The following CKMT1A variants were observed in gnomAD, a reference collection of about 807,000 sequenced individuals.
CKMT1A encodes creatine kinase, mitochondrial 1A, also known as creatine kinase U-type, mitochondrial.
In CKMT1A, 23 loss-of-function variants were observed where a neutral mutation model predicts 21.8. That is an observed-to-expected ratio of 1.05 (90% CI 0.76 to 1.49). CKMT1A has a LOEUF of 1.49. CKMT1A is among the 40% of genes most tolerant of loss of function. The pLI is 0.00. For missense variants in CKMT1A, 154 were observed against 229.4 expected, an observed-to-expected ratio of 0.67 and a Z score of 2.12; for synonymous variants, 67 against 80.4, an observed-to-expected ratio of 0.83 and a Z score of 0.89.
chr15:43,697,385 T>G lies in CKMT1A; in HGVS notation c.877-629T>G. The G allele has an allele frequency of 5.1e-6, 5 of 984,960 alleles. 1 individual carries two copies. Among genetic ancestry groups the G allele is most frequent in the Non-Finnish European group, 4.8e-6 (4 of 829,612 alleles). 61.0% of individuals were successfully genotyped at this position (984,960 alleles called of 1,614,324 possible). On this transcript the variant is annotated intron_variant, in intron 6 of 8. Transcript: ENST00000413453. ...ACAGGATCCCTTTACTCATGTTGGA[T>G]AGTGGTCTTTGTGATCATCACTCTG...
intron 6 of CKMT1A, chr15:43,696,852 G>C (rs1434921383): frequency 6.9e-6 from 2 of 288,066 alleles, no homozygotes; most frequent in Non-Finnish European, 1.3e-5. Context: ...AGGGAGACTG[G>C]GGAAGGTGGA....
In CKMT1A at chr15:43,696,349, C is replaced by G. The variant is rs147613562; in HGVS notation, c.862C>G (p.Arg288Gly). The change falls in exon 6 of 9, where the codon CGA becomes GGA. Residue 288 changes from arginine to glycine, a missense_variant. Coordinates refer to ENST00000413453, the MANE Select transcript of CKMT1A (RefSeq NM_001321926.2). ...GAAGAGAGTGTTTGAAAGATTCTGC[C>G]GAGGCCTCAAAGAGGTTAGAGAAGA... ...NMKRVFERFC[R>G]GLKEVERLIQ... 2.5e-6 allele frequency: 4 copies of G among 1,610,332 alleles called. No homozygotes were observed. The highest frequency in any genetic ancestry group is 4.5e-5 in the East Asian group (2 of 44,824).
Position 43,698,929 on chromosome 15 carries a change from A to C in CKMT1A, c.1138-44A>C, listed in dbSNP as rs376268853. 108 of 1,611,422 alleles carry C rather than the reference A, an allele frequency of 6.7e-5. 1 individual carries two copies. Among genetic ancestry groups the C allele is most frequent in the Admixed American group, 5.0e-5 (3 of 59,896 alleles). On this transcript the variant is annotated intron_variant, in intron 8 of 8. Transcript: ENST00000413453. ...GCAAGTCAGTCAGTGATAAAGAAAA[A>C]CTCAGACTGTAGGAAGCAGAGATCA...
At chr15:43,697,239 C>T (rs1188228845) in intron 6 of CKMT1A, 1 of 1,219,522 alleles carries the variant, frequency 8.2e-7, no homozygotes, top group South Asian at 1.5e-5. Context: ...AGTACTTGGT[C>T]CACAGTAAGT....
chr15:43,696,915 T>G (rs2086455885), intron 6 of CKMT1A: 2 of 294,162 alleles, frequency 6.8e-6, no homozygotes, highest in Non-Finnish European at 1.3e-5. Context: ...GAGGTTGAAC[T>G]GAATCATCAA....
intron 7 of CKMT1A, 60 bp downstream of exon 7, chr15:43,698,208 G>A: frequency 1.2e-6 from 2 of 1,603,936 alleles, no homozygotes; most frequent in Admixed American, 3.4e-5. Context: ...TGTGGATGGG[G>A]AGGGAGTGGA....
At chr15:43,697,953 G>A in intron 6 of CKMT1A, 61 bp from the exon 7 acceptor site, 3 of 1,605,088 alleles carry the variant, frequency 1.9e-6, no homozygotes, top group Admixed American at 1.7e-5. Flanking sequence ...CTAGCTAAGG[G>A]AGGGTCCAGG....
Position 43,698,074 on chromosome 15 carries a change from A to C in CKMT1A, c.937A>C (p.Ile313Leu). ...EFMWNERLGY[I>L]LTCPSNLGTG... Reference sequence around the variant, plus strand: ...CATGTGGAATGAGCGTTTGGGATACATCTTGACCTGTCCATCTAACCTGGG... The same window carrying C: ...CATGTGGAATGAGCGTTTGGGATACCTCTTGACCTGTCCATCTAACCTGGG... The change falls in exon 7 of 9, where the codon ATC becomes CTC. Residue 313 changes from isoleucine to leucine, a missense_variant. Transcript: ENST00000413453. 1 of 1,613,346 alleles carries C rather than the reference A, an allele frequency of 6.2e-7. No individual in the cohort carries two copies. The highest frequency in any genetic ancestry group is 8.5e-7 in the Non-Finnish European group (1 of 1,179,500).
In CKMT1A at chr15:43,699,166, G is replaced by C. The variant is rs2086503927; in HGVS notation, c.*77G>C. ...AATGATGGCCCATTCTACTTGCTCT[G>C]GACCTGCCCTCGCATCCCCTGCCTC... is the stretch of plus-strand genomic sequence containing the variant. On this transcript the variant is annotated 3_prime_UTR_variant, in exon 9 of 9. Transcript: ENST00000413453. 2.5e-6 allele frequency: 4 copies of C among 1,609,958 alleles called. No individual in the cohort carries two copies. Among genetic ancestry groups the C allele is most frequent in the African/African-American group, 1.3e-5 (1 of 74,338 alleles).
At chr15:43,698,280 G>C in intron 7 of CKMT1A, 132 bp downstream of exon 7, 1 of 1,341,388 alleles carries the variant, frequency 7.5e-7, no homozygotes, top group Admixed American at 2.3e-5. Context: ...CAGGCACAGT[G>C]GCTCATGCCT....
rs991018588 is a variant in CKMT1A, at chr15:43,697,419, C to T, written c.877-595C>T. The T allele has an allele frequency of 5.1e-6, 5 of 984,906 alleles. No individual in the cohort carries two copies. The African/African-American group carries it at 8.8e-5, about 17-fold the overall frequency. 61.0% of individuals were successfully genotyped at this position (984,906 alleles called of 1,614,324 possible). On this transcript the variant is annotated intron_variant, in intron 6 of 8. Coordinates refer to ENST00000413453, the MANE Select transcript of CKMT1A (RefSeq NM_001321926.2). ...TTGTGATCATCACTCTGCTAGATCC[C>T]TTGTCTCTTGAACTCTAATAGTCAT...
In CKMT1A at chr15:43,699,155, C is replaced by T; in HGVS notation, c.*66C>T. The T allele has an allele frequency of 6.2e-7, 1 of 1,612,404 alleles. No individual in the cohort carries two copies. Among genetic ancestry groups the T allele is most frequent in the Non-Finnish European group, 8.5e-7 (1 of 1,179,202 alleles). The stretch of plus-strand genomic sequence containing the variant: ...CTGCTCATTCTAATGATGGCCCATT[C>T]TACTTGCTCTGGACCTGCCCTCGCA... On this transcript the variant is annotated 3_prime_UTR_variant, in exon 9 of 9. Transcript: ENST00000413453.
At chr15:43,698,230 G>A (rs1015012344) in intron 7 of CKMT1A, 82 bp downstream of exon 7, 64 of 1,600,920 alleles carry the variant, frequency 4.0e-5, no homozygotes, top group Non-Finnish European at 5.3e-5. Flanking sequence ...CCTTTGGAGA[G>A]GAGCCAAACA....
rs773143804 is a variant in CKMT1A at position 43,699,058 on chromosome 15, T to C, written c.1223T>C (p.Ile408Thr). The change falls in exon 9 of 9, where the codon ATC becomes ACC. Residue 408 changes from isoleucine (I) to threonine (T), a missense_variant. Physicochemically the swap from Ile to Thr is moderately conservative, Grantham distance 89. Coordinates refer to ENST00000413453, the MANE Select transcript of CKMT1A (RefSeq NM_001321926.2). ...CTGGAGAGAGGCCAGGATATCCGCA[T>C]CCCCACACCTGTCATCCACACCAAG... ...RRLERGQDIR[I>T]PTPVIHTKH The C allele has an allele frequency of 5.0e-6, 8 of 1,613,270 alleles. No homozygotes were observed. The highest frequency in any genetic ancestry group is 8.5e-7 in the Non-Finnish European group (1 of 1,179,856).
chr15:43,697,300 T>C (rs1450905035), intron 6 of CKMT1A: 6 of 1,262,044 alleles, frequency 4.8e-6, no homozygotes, highest in Non-Finnish European at 6.2e-6. Flanking sequence ...GATGGAAGAG[T>C]TTCCCCCCAT....
Position 43,696,056 on chromosome 15 carries a change from T to C in CKMT1A, c.684T>C (p.Asp228=). The part of the protein sequence containing the change: ...QQLIDDHFLF[D]KPVSPLLTAA... ...CTTCCCAGGACCACTTTCTGTTTGA[T>C]AAGCCTGTGTCCCCGTTGCTGACTG... Residue 228 remains aspartate (D), a synonymous_variant, in exon 5 of 9, where the codon GAT becomes GAC. Transcript: ENST00000413453. The C allele has an allele frequency of 1.9e-6, 1 of 532,800 alleles. No homozygotes were observed. Among genetic ancestry groups the C allele is most frequent in the South Asian group, 2.1e-5 (1 of 47,770 alleles). 33.0% of individuals were successfully genotyped at this position (532,800 alleles called of 1,614,324 possible).
Position 43,697,636 on chromosome 15 carries a change from C to T in CKMT1A, c.877-378C>T, listed in dbSNP as rs3866952. 575 of 984,892 alleles carry T rather than the reference C, an allele frequency of 5.8e-4. 3 individuals carry two copies. Among genetic ancestry groups the T allele is most frequent in the Middle Eastern group, 5.2e-3 (10 of 1,914 alleles). 61.0% of individuals were successfully genotyped at this position (984,892 alleles called of 1,614,324 possible). Reference sequence around the variant, plus strand: ...CATCTTCTGTCTGAAAGGACCCTTCCAAGCTCTAGGCTCATTAGCAAAGCA... The same window carrying T: ...CATCTTCTGTCTGAAAGGACCCTTCTAAGCTCTAGGCTCATTAGCAAAGCA... On this transcript the variant is annotated intron_variant, in intron 6 of 8. Coordinates refer to ENST00000413453, the MANE Select transcript of CKMT1A (RefSeq NM_001321926.2).
intron 6 of CKMT1A, 91 bp from the exon 7 acceptor site, chr15:43,697,923 T>A (rs1280872345): frequency 1.0e-5 from 16 of 1,546,268 alleles, no homozygotes; most frequent in Non-Finnish European, 1.4e-5. Flanking sequence ...TCTAGACAAA[T>A]TTCTAGTGTT....
chr15:43,697,742 A>T (rs1375266365), intron 6 of CKMT1A: 1 of 984,680 alleles, frequency 1.0e-6, no homozygotes, highest in Non-Finnish European at 1.2e-6. Flanking sequence ...ATTTCCCTAG[A>T]TCATCCTTAA....
Sources: gnomAD v4.1 joint callset for allele counts on GRCh38, gnomAD v4.1.1 for gene constraint, MANE v1.5 for transcripts, NCBI Gene and HGNC (gene_info 2026-07-23, HGNC 2026-07-21) for gene names.